The following HDX variants were observed in gnomAD, a reference collection of about 807,000 sequenced individuals.
HDX encodes chromosome X open reading frame 43.
Under a neutral mutation model 45.2 loss-of-function variants are expected in HDX, and 19 were observed. The observed-to-expected ratio is 0.42, with a 90% CI of 0.29 to 0.62. HDX has a LOEUF of 0.62. Among genes scored for constraint, HDX ranks in the 20% least tolerant of loss-of-function variants. The pLI, the probability that HDX is intolerant of heterozygous loss-of-function variation, is 0.20. For synonymous variants in HDX, 188 were observed against 172.8 expected (o/e 1.09, Z -0.69); for missense variants, 532 against 493.9 (o/e 1.08, Z -0.73).
intron 5 of HDX, among the ~76,000 whole-genome samples, chrX:84,375,476 C>A (rs1311143601): frequency 2.7e-5 from 3 of 111,836 alleles, no homozygotes; most frequent in African/African-American, 9.8e-5. Flanking sequence ...TTCACAATAG[C>A]AAAGGCTTGG....
intron 6 of HDX, among the ~76,000 whole-genome samples, chrX:84,354,340 C>A (rs1177601623): frequency 9.0e-6 from 1 of 111,320 alleles, no homozygotes; most frequent in Non-Finnish European, 1.9e-5. Flanking sequence ...ATATTCCAAA[C>A]TTTTATTTTA....
At chrX:84,491,603 T>C (rs771694703) in intron 1 of HDX, among the ~76,000 whole-genome samples, 3 of 111,961 alleles carry the variant, frequency 2.7e-5, no homozygotes, top group East Asian at 2.8e-4. Context: ...AAATCAGATA[T>C]TATAAATCTT....
chrX:84,468,839 GACAA>G lies in HDX; in HGVS notation c.880_883del (p.Leu294ProfsTer22). The G allele has an allele frequency of 8.3e-7, 1 of 1,211,484 alleles. No individual in the cohort carries two copies. Among genetic ancestry groups the G allele is most frequent in the Non-Finnish European group, 1.1e-6 (1 of 895,394 alleles). ...AGCATCTCCAGTCTCCATTGCAATG[GACAA>G]ACAATTTCCTTCTGCTGAGCTAGGC... On this transcript the variant is annotated frameshift_variant, in exon 4 of 11. Coordinates refer to ENST00000373177, the MANE Select transcript of HDX (RefSeq NM_001177479.2). LOFTEE classifies it high-confidence loss of function.
At chrX:84,429,034 A>G (rs2039445768) in intron 5 of HDX, among the ~76,000 whole-genome samples, 1 of 110,408 alleles carries the variant, frequency 9.1e-6, no homozygotes. Flanking sequence ...TCCATATCCT[A>G]TTTCACTGAT....
intron 7 of HDX, among the ~76,000 whole-genome samples, chrX:84,338,667 G>T (rs2037019897): frequency 9.1e-6 from 1 of 109,988 alleles, no homozygotes; most frequent in African/African-American, 3.3e-5. Flanking sequence ...ATATTTGACT[G>T]TTTTTCTCCC....
intron 4 of HDX, among the ~76,000 whole-genome samples, chrX:84,461,939 G>A (rs775731383): frequency 8.9e-6 from 1 of 111,952 alleles, no homozygotes; most frequent in East Asian, 2.8e-4. Flanking sequence ...ATTAATCATT[G>A]GACAATTGCA....
chrX:84,415,490 T>C (rs2039083134), intron 5 of HDX, among the ~76,000 whole-genome samples: 1 of 111,625 alleles, frequency 9.0e-6, no homozygotes. Flanking sequence ...AATTAGGGAG[T>C]ACTGAACCTG....
chrX:84,326,445 T>C (rs1446580475), intron 9 of HDX, 145 bp from the exon 10 acceptor site: 1 of 428,002 alleles, frequency 2.3e-6, no homozygotes, highest in Non-Finnish European at 3.9e-6. Context: ...ATACAAAGCA[T>C]GGAAGAAAAT....
intron 5 of HDX, among the ~76,000 whole-genome samples, chrX:84,369,097 G>A (rs998658634): frequency 9.9e-5 from 11 of 110,657 alleles, no homozygotes; most frequent in African/African-American, 2.3e-4. Flanking sequence ...CAAACCCCAC[G>A]CAATGACCAT....
At chrX:84,376,182 C>T in intron 5 of HDX, among the ~76,000 whole-genome samples, 1 of 111,848 alleles carries the variant, frequency 8.9e-6, no homozygotes, top group Non-Finnish European at 1.9e-5. Context: ...CTAGAAGCAT[C>T]CATGACCTAC....
intron 1 of HDX, among the ~76,000 whole-genome samples, chrX:84,492,072 T>C (rs2040903416): frequency 9.0e-6 from 1 of 110,653 alleles, no homozygotes; most frequent in African/African-American, 3.3e-5. Context: ...GGCACCCTTG[T>C]ACTTTCTGAA....
In HDX at chrX:84,319,970, G is replaced by A. The variant is rs2147737001; in HGVS notation, c.*1919C>T. ...TATACCTATAGTTAATTTGCAATGA[G>A]AACCAAATAAGAAGGGGCTTAAATT... On this transcript the variant is annotated 3_prime_UTR_variant, in exon 11 of 11. Coordinates refer to ENST00000373177, the MANE Select transcript of HDX (RefSeq NM_001177479.2). 1 of 110,840 alleles carries A rather than the reference G, an allele frequency of 9.0e-6. No individual in the cohort carries two copies. Among genetic ancestry groups the A allele is most frequent in the East Asian group, 2.8e-4 (1 of 3,533 alleles). The allele number at this position is 110,840 out of a possible 1,213,427, so 9.1% of individuals were successfully genotyped here. A position where few individuals can be genotyped will look rare whatever the true frequency, so the allele number is the denominator to read the frequency against.
intron 6 of HDX, among the ~76,000 whole-genome samples, chrX:84,354,168 T>C (rs2037421547): frequency 8.9e-6 from 1 of 111,741 alleles, no homozygotes; most frequent in African/African-American, 3.2e-5. Flanking sequence ...CTTTCCTGAA[T>C]AATAAATTTC....
intron 4 of HDX, among the ~76,000 whole-genome samples, chrX:84,459,208 C>A (rs1161595970): frequency 9.0e-6 from 1 of 110,760 alleles, no homozygotes; most frequent in Non-Finnish European, 1.9e-5. Flanking sequence ...TTTGGGAGGC[C>A]AAAGAGGGCG....
At chrX:84,440,253 G>C (rs2039731753) in intron 5 of HDX, 1 of 223,535 alleles carries the variant, frequency 4.5e-6, no homozygotes, top group African/African-American at 2.9e-5. Flanking sequence ...GGGTTGATTA[G>C]ATGTAGAAAA....
chrX:84,326,211 T>A lies in HDX; in HGVS notation c.1914A>T (p.Leu638Phe). 1 of 1,205,923 alleles carries A rather than the reference T, an allele frequency of 8.3e-7. No individual in the cohort carries two copies. Among genetic ancestry groups the A allele is most frequent in the Non-Finnish European group, 1.1e-6 (1 of 890,321 alleles). ...GTTCCTTATCATCAGCTTTCATTGCTAATATCAAGCTTCTAACAAAAGTCT... is the reference window on the plus strand; with the variant it reads ...GTTCCTTATCATCAGCTTTCATTGCAAATATCAAGCTTCTAACAAAAGTCT... Reference protein sequence around the residue: ...KLQTFVRSLILAMKADDKEQQ... With the variant: ...KLQTFVRSLIFAMKADDKEQQ... The change falls in exon 10 of 11, where the codon TTA becomes TTT. Residue 638 changes from leucine to phenylalanine, a missense_variant. By Grantham distance (22) the Leu-to-Phe change is conservative (BLOSUM62 0). Coordinates refer to ENST00000373177, the MANE Select transcript of HDX (RefSeq NM_001177479.2).
At chrX:84,415,067 T>A (rs1357005423) in intron 5 of HDX, among the ~76,000 whole-genome samples, 3 of 112,265 alleles carry the variant, frequency 2.7e-5, no homozygotes, top group Non-Finnish European at 5.6e-5. Context: ...TACAAGCTTA[T>A]TTTCATTTCA....
chrX:84,493,748 A>C (rs2040942336), intron 1 of HDX, among the ~76,000 whole-genome samples: 1 of 111,893 alleles, frequency 8.9e-6, no homozygotes, highest in African/African-American at 3.2e-5. Flanking sequence ...TAAATACCTA[A>C]TCATACCATC....
chrX:84,391,504 GTT>G (rs34682992), intron 5 of HDX, among the ~76,000 whole-genome samples: 6 of 107,212 alleles, frequency 5.6e-5, no homozygotes, highest in African/African-American at 1.4e-4. Flanking sequence ...GCTGCTATTA[GTT>G]TTTTTTTTGA....
Sources: gnomAD v4.1 joint callset for allele counts (sites outside exome capture counted in the v4.1 genomes callset) on GRCh38, gnomAD v4.1.1 for gene constraint, MANE v1.5 for transcripts, NCBI Gene and HGNC (gene_info 2026-07-23, HGNC 2026-07-21) for gene names.